EXOC6B: variants seen among roughly 807,000 people sequenced by gnomAD.
The protein encoded by EXOC6B is exocyst complex component 6B.
EXOC6B carries 54 observed loss-of-function variants against 113.5 expected under a neutral mutation model. The observed-to-expected ratio is 0.48, with a 90% CI of 0.38 to 0.60. EXOC6B has a LOEUF of 0.60. Among genes scored for constraint, EXOC6B ranks in the 20% least tolerant of loss-of-function variants. EXOC6B has a pLI of 0.00. For missense variants in EXOC6B, 797 were observed against 977.5 expected, an observed-to-expected ratio of 0.82 and a Z score of 2.46; for synonymous variants, 357 against 339.0, an observed-to-expected ratio of 1.05 and a Z score of -0.58.
intron 20 of EXOC6B, among the ~76,000 whole-genome samples, chr2:72,220,945 C>T (rs985831874): frequency 6.6e-6 from 1 of 152,164 alleles, no homozygotes; most frequent in African/African-American, 2.4e-5. Context: ...GGATATCCAT[C>T]ACCTTAAATA....
At chr2:72,322,789 G>A (rs1428415877) in intron 20 of EXOC6B, among the ~76,000 whole-genome samples, 2 of 152,110 alleles carry the variant, frequency 1.3e-5, no homozygotes, top group African/African-American at 4.8e-5. Flanking sequence ...CTAGCAATAT[G>A]CAGAAAACTG....
chr2:72,611,944 A>G (rs1671095890), intron 6 of EXOC6B, among the ~76,000 whole-genome samples: 1 of 152,206 alleles, frequency 6.6e-6, no homozygotes, highest in African/African-American at 2.4e-5. Context: ...AAAAAAGCAT[A>G]GAAAGAAGAC....
In EXOC6B at chr2:72,319,841, CT is replaced by C. The variant is rs150881201; in HGVS notation, c.2196+15105del. Among the ~76,000 whole-genome samples, 144 of 146,566 alleles carry C rather than the reference CT, an allele frequency of 9.8e-4. No homozygotes were observed. In the Middle Eastern group the frequency reaches 0.014, roughly 15 times the overall value. ...TAATCCTAATGAAAATATCAGCAAG[CT>C]TTTTTTTTTTTGAGACGAAGTCTCG... On this transcript the variant is annotated intron_variant, in intron 20 of 21. Transcript: ENST00000272427.
intron 6 of EXOC6B, among the ~76,000 whole-genome samples, chr2:72,660,133 A>C (rs1674900148): frequency 6.6e-6 from 1 of 151,888 alleles, no homozygotes. Flanking sequence ...ATTAAAATAC[A>C]GTCTACTAAA....
In EXOC6B at chr2:72,470,804, A is replaced by T. The variant is rs562508610; in HGVS notation, c.1801-5465T>A. ...CCTACAAAGGACATGAACTCATCAT[A>T]TTTTATGGCGCATAGTATTCCATGG... On this transcript the variant is annotated intron_variant, in intron 17 of 21. Transcript: ENST00000272427. Among the ~76,000 whole-genome samples the T allele has an allele frequency of 3.0e-3, 352 of 116,688 alleles. 1 individual carries two copies. The highest frequency in any genetic ancestry group is 0.027 in the African/African-American group (343 of 12,788). The allele number at this position is 116,688 out of a possible 152,430, so 76.6% of individuals were successfully genotyped here. A position where few individuals can be genotyped will look rare whatever the true frequency, so the allele number is the denominator to read the frequency against.
intron 18 of EXOC6B, among the ~76,000 whole-genome samples, chr2:72,401,595 ATATATATGTG>A (rs1693268422): frequency 2.3e-5 from 1 of 43,604 alleles, no homozygotes; most frequent in African/African-American, 2.7e-4. Context: ...ATATATATAT[ATATATATGTG>A]TATATATATA....
At chr2:72,453,724 C>A (rs1277085801) in intron 18 of EXOC6B, among the ~76,000 whole-genome samples, 1 of 152,182 alleles carries the variant, frequency 6.6e-6, no homozygotes. Context: ...GATGAAATAA[C>A]TGTTTTCTCC....
intron 18 of EXOC6B, among the ~76,000 whole-genome samples, chr2:72,395,357 C>T (rs949301073): frequency 6.6e-6 from 1 of 152,128 alleles, no homozygotes; most frequent in Admixed American, 6.6e-5. Context: ...CAGTCCCTAA[C>T]TGGTCAATAC....
chr2:72,399,614 T>C (rs1204003422), intron 18 of EXOC6B, among the ~76,000 whole-genome samples: 1 of 152,170 alleles, frequency 6.6e-6, no homozygotes, highest in Non-Finnish European at 1.5e-5. Context: ...AAAATCAATG[T>C]ACAAAAATCA....
At chr2:72,474,050 T>G (rs981202064) in intron 17 of EXOC6B, among the ~76,000 whole-genome samples, 53 of 140,592 alleles carry the variant, frequency 3.8e-4, no homozygotes, top group South Asian at 2.3e-3. Context: ...GCCCAACATG[T>G]TTTTTTTTTT....
chr2:72,473,607 C>G (rs969781808), intron 17 of EXOC6B, among the ~76,000 whole-genome samples: 1 of 151,962 alleles, frequency 6.6e-6, no homozygotes, highest in Admixed American at 6.6e-5. Flanking sequence ...ATGGCTAGAT[C>G]ATGTTTTTTT....
chr2:72,189,830 GTCTCTC>G (rs1305636856), intron 20 of EXOC6B, among the ~76,000 whole-genome samples: 1 of 92,220 alleles, frequency 1.1e-5, no homozygotes, highest in Non-Finnish European at 2.1e-5. Flanking sequence ...CATTCTCTCT[GTCTCTC>G]TCTCTCTCTT....
intron 16 of EXOC6B, among the ~76,000 whole-genome samples, chr2:72,486,474 T>C (rs1699427629): frequency 6.6e-6 from 1 of 152,148 alleles, no homozygotes. Flanking sequence ...AATAATCACA[T>C]TATCTGGCAC....
At chr2:72,498,596 T>A (rs1700162946) in intron 12 of EXOC6B, 45 bp from the exon 13 acceptor site, 1 of 1,415,702 alleles carries the variant, frequency 7.1e-7, no homozygotes, top group South Asian at 1.3e-5. Context: ...AGGAAGGAGT[T>A]TTTTTTTCGG....
chr2:72,407,344 A>T (rs1693848175), intron 18 of EXOC6B, among the ~76,000 whole-genome samples: 1 of 152,210 alleles, frequency 6.6e-6, no homozygotes, highest in South Asian at 2.1e-4. Context: ...AAAAAGAGGG[A>T]ATCCTCCCTA....
At chr2:72,475,697 G>A (rs1313751675) in intron 17 of EXOC6B, among the ~76,000 whole-genome samples, 2 of 152,316 alleles carry the variant, frequency 1.3e-5, no homozygotes, top group East Asian at 3.9e-4. Flanking sequence ...GTAGGTGGCA[G>A]CAGCTGTGCT....
intron 7 of EXOC6B, among the ~76,000 whole-genome samples, chr2:72,570,035 G>A (rs1704425079): frequency 6.6e-6 from 1 of 152,094 alleles, no homozygotes; most frequent in African/African-American, 2.4e-5. Flanking sequence ...TTCCTATGTT[G>A]AAGTCCTTAG....
At chr2:72,687,011 G>A (rs905732047) in intron 6 of EXOC6B, among the ~76,000 whole-genome samples, 19 of 151,762 alleles carry the variant, frequency 1.3e-4, no homozygotes, top group Admixed American at 5.9e-4. Context: ...GGTGGCGGGC[G>A]CCTGTAGTCC....
chr2:72,256,506 T>C (rs781668045), intron 20 of EXOC6B, among the ~76,000 whole-genome samples: 39 of 152,192 alleles, frequency 2.6e-4, no homozygotes, highest in Non-Finnish European at 4.3e-4. Context: ...GGGTTCTAGC[T>C]CTGGCTTTAG....
Sources: gnomAD v4.1 joint callset for allele counts (sites outside exome capture counted in the v4.1 genomes callset) on GRCh38, gnomAD v4.1.1 for gene constraint, MANE v1.5 for transcripts, NCBI Gene and HGNC (gene_info 2026-07-23, HGNC 2026-07-21) for gene names.